Variants in RBMS3 observed in about 807,000 individuals in gnomAD.
The protein encoded by RBMS3 is RNA-binding motif, single-stranded-interacting protein 3.
In RBMS3, 27 loss-of-function variants were observed where a neutral mutation model predicts 66.8. The ratio of observed to expected loss-of-function variants is 0.40; its 90% CI spans 0.30 to 0.56. RBMS3 has a LOEUF of 0.56. Ranked by LOEUF, RBMS3 falls within the 20% of genes least tolerant of loss-of-function variation. The probability of loss-of-function intolerance (pLI) is 0.40; values close to 1 mark genes in which losing one functional copy is unlikely to be tolerated. For synonymous variants in RBMS3, 188 were observed against 183.0 expected, an observed-to-expected ratio of 1.03 and a Z score of -0.22; for missense variants, 513 against 549.5, an observed-to-expected ratio of 0.93 and a Z score of 0.66.
chr3:29,435,084 T>A, intron 2 of RBMS3, 169 bp downstream of exon 2: 2 of 749,786 alleles, frequency 2.7e-6, no homozygotes, highest in Non-Finnish European at 2.1e-6. Context: ...TTTTGGGGAG[T>A]GGAATTGGTT....
chr3:29,699,189 T>C (rs979954686), intron 4 of RBMS3, among the ~76,000 whole-genome samples: 3 of 152,188 alleles, frequency 2.0e-5, no homozygotes, highest in Non-Finnish European at 2.9e-5. Flanking sequence ...ACCACTCTGT[T>C]GCCCAAGCTG....
At chr3:29,691,947 C>CTCTCTCTCTTTTTTTTTTTTTTTTT (rs1218393454) in intron 4 of RBMS3, among the ~76,000 whole-genome samples, 7 of 53,534 alleles carry the variant, frequency 1.3e-4, no homozygotes, top group East Asian at 1.1e-3. Flanking sequence ...CTCTCTCTCT[C>CTCTCTCTCTTTTTTTTTTTTTTTTT]TATTTTTTTT....
chr3:29,905,601 C>A (rs1034833800), intron 10 of RBMS3, among the ~76,000 whole-genome samples: 1 of 151,990 alleles, frequency 6.6e-6, no homozygotes, highest in Non-Finnish European at 1.5e-5. Context: ...TCCTGCTTCT[C>A]TATTTCCTTT....
intron 6 of RBMS3, among the ~76,000 whole-genome samples, chr3:29,832,043 T>A (rs1448416101): frequency 1.3e-5 from 2 of 152,178 alleles, no homozygotes; most frequent in Admixed American, 1.3e-4. Flanking sequence ...CACTATTCCT[T>A]TGTGTTTTAA....
chr3:29,979,188 CA>C (rs1395459891), intron 12 of RBMS3, among the ~76,000 whole-genome samples: 5 of 151,914 alleles, frequency 3.3e-5, no homozygotes, highest in African/African-American at 1.2e-4. Context: ...ACAACAATGA[CA>C]AAACTGGAGT....
intron 4 of RBMS3, among the ~76,000 whole-genome samples, chr3:29,664,306 G>A (rs1184183141): frequency 6.6e-6 from 1 of 152,050 alleles, no homozygotes; most frequent in African/African-American, 2.4e-5. Flanking sequence ...TAGCCAACAT[G>A]GTGAAACCCT....
chr3:29,824,130 C>T (rs1038558983), intron 6 of RBMS3, among the ~76,000 whole-genome samples: 7 of 149,958 alleles, frequency 4.7e-5, no homozygotes, highest in South Asian at 2.1e-4. Flanking sequence ...CCCCACCCCA[C>T]GCCAAATTCA....
At chr3:29,594,598 A>T (rs2047877923) in intron 4 of RBMS3, among the ~76,000 whole-genome samples, 1 of 152,154 alleles carries the variant, frequency 6.6e-6, no homozygotes, top group African/African-American at 2.4e-5. Context: ...ATATATAAGT[A>T]TTATTTTTCT....
intron 10 of RBMS3, among the ~76,000 whole-genome samples, chr3:29,933,447 G>C (rs1329091949): frequency 1.3e-5 from 2 of 151,060 alleles, no homozygotes; most frequent in Non-Finnish European, 3.0e-5. Flanking sequence ...CCCAGACAAA[G>C]TATCATTAAG....
chr3:29,327,702 C>T (rs1575551970), intron 1 of RBMS3, among the ~76,000 whole-genome samples: 2 of 152,170 alleles, frequency 1.3e-5, no homozygotes, highest in East Asian at 3.9e-4. Flanking sequence ...AGACACATTA[C>T]TGAGTGGCAC....
chr3:29,594,768 T>A (rs1285593044), intron 4 of RBMS3, among the ~76,000 whole-genome samples: 1 of 152,192 alleles, frequency 6.6e-6, no homozygotes, highest in Non-Finnish European at 1.5e-5. Flanking sequence ...CAAAACTCAA[T>A]ATTGAAATTG....
chr3:29,314,237 G>A (rs1256553298), intron 1 of RBMS3, among the ~76,000 whole-genome samples: 2 of 151,696 alleles, frequency 1.3e-5, no homozygotes, highest in African/African-American at 4.8e-5. Context: ...GTAGTTGGCA[G>A]TTGGCTCCAG....
At chr3:29,712,097 T>G (rs955084789) in intron 4 of RBMS3, among the ~76,000 whole-genome samples, 3 of 152,154 alleles carry the variant, frequency 2.0e-5, no homozygotes, top group Non-Finnish European at 4.4e-5. Context: ...TCCCTAAGTT[T>G]GTTCTTTTGC....
intron 1 of RBMS3, among the ~76,000 whole-genome samples, chr3:29,289,138 T>C (rs2032610327): frequency 6.6e-6 from 1 of 151,918 alleles, no homozygotes; most frequent in Non-Finnish European, 1.5e-5. Context: ...TTTCTGTTCA[T>C]ATCAGTCTGT....
chr3:29,763,386 G>C (rs1050225966), intron 6 of RBMS3, among the ~76,000 whole-genome samples: 2 of 151,978 alleles, frequency 1.3e-5, no homozygotes, highest in African/African-American at 4.8e-5. Flanking sequence ...TTTCTTACCA[G>C]TCCATGACAA....
At chr3:29,734,041 C>T (rs2054262718) in intron 4 of RBMS3, among the ~76,000 whole-genome samples, 1 of 152,058 alleles carries the variant, frequency 6.6e-6, no homozygotes, top group Non-Finnish European at 1.5e-5. Flanking sequence ...CACACACACA[C>T]AGTGGAATAC....
At chr3:29,527,156 T>C (rs2045149852) in intron 3 of RBMS3, among the ~76,000 whole-genome samples, 1 of 131,198 alleles carries the variant, frequency 7.6e-6, no homozygotes, top group Non-Finnish European at 1.5e-5. Flanking sequence ...GACAATAGGG[T>C]TTCAGACGTG....
chr3:29,592,424 C>G (rs1454055981), intron 4 of RBMS3, among the ~76,000 whole-genome samples: 1 of 152,044 alleles, frequency 6.6e-6, no homozygotes, highest in African/African-American at 2.4e-5. Flanking sequence ...TTATCACTGG[C>G]CATCAGAGAA....
At chr3:29,685,472 A>AT (rs2051690421) in intron 4 of RBMS3, among the ~76,000 whole-genome samples, 1 of 151,992 alleles carries the variant, frequency 6.6e-6, no homozygotes, top group African/African-American at 2.4e-5. Flanking sequence ...GCTCTATTCT[A>AT]CCTTTTTTTG....
Sources: gnomAD v4.1 joint callset for allele counts (sites outside exome capture counted in the v4.1 genomes callset) on GRCh38, gnomAD v4.1.1 for gene constraint, MANE v1.5 for transcripts, NCBI Gene and HGNC (gene_info 2026-07-23, HGNC 2026-07-21) for gene names.